Variants in CCDC127 observed in about 807,000 individuals in gnomAD.
The protein encoded by CCDC127 is coiled-coil domain containing 127.
Under a neutral mutation model 4.1 loss-of-function variants are expected in CCDC127, and 2 were observed. The observed-to-expected ratio is 0.49, with a 90% confidence interval of 0.20 to 1.53. The LOEUF is 1.53. Among genes scored for constraint, CCDC127 ranks in the 40% most tolerant of loss-of-function variants. CCDC127 has a pLI of 0.23. For synonymous variants in CCDC127, 98 were observed against 120.4 expected, an observed-to-expected ratio of 0.81 and a Z score of 1.22; for missense variants, 271 against 322.9, an observed-to-expected ratio of 0.84 and a Z score of 1.23.
Position 197,220 on chromosome 5 carries a change from TTGAACAAA to T in CCDC127, c.*8069_*8076del, listed in dbSNP as rs1733973621. On this transcript the variant is annotated 3_prime_UTR_variant, in exon 3 of 3. Transcript: ENST00000296824. ...AGGCGGCTTTTCTCCTGTCTCAGAG[TTGAACAAA>T]TGTACAATCGGGTTTTACACCGCGA... 6.6e-6 allele frequency: 1 copy of T among 152,124 alleles called. No homozygotes were observed. The highest frequency in any genetic ancestry group is 2.4e-5 in the African/African-American group (1 of 41,404). 9.4% of individuals were successfully genotyped at this position (152,124 alleles called of 1,614,324 possible). A position where few individuals can be genotyped will look rare whatever the true frequency, so the allele number is the denominator to read the frequency against.
At position 198,534 on chromosome 5, in the gene CCDC127, G is replaced by C. The variant is rs10075209; in HGVS notation, c.*6763C>G. On this transcript the variant is annotated 3_prime_UTR_variant, in exon 3 of 3. Transcript: ENST00000296824. ...CACACAGGAGCCCACTGGTGTCAGT[G>C]GGCGGTGCTGAGGGCACAAGCTCCC... The C allele has an allele frequency of 0.15, 22,365 of 152,330 alleles. 1,744 individuals carry two copies. The highest frequency in any genetic ancestry group is 0.18 in the Admixed American group (2,794 of 15,300). The allele number at this position is 152,330 out of a possible 1,614,324, so 9.4% of individuals were successfully genotyped here.
chr5:197,502 T>G lies in CCDC127; in HGVS notation c.*7795A>C, dbSNP rs569001013. On this transcript the variant is annotated 3_prime_UTR_variant, in exon 3 of 3. Coordinates refer to ENST00000296824, the MANE Select transcript of CCDC127 (RefSeq NM_145265.3). Reference sequence around the variant, plus strand: ...GCAGTGCATTGTGCCTCTGGTTTATTGAGACTAGAGAATAGCGATGACTTT... The same window carrying G: ...GCAGTGCATTGTGCCTCTGGTTTATGGAGACTAGAGAATAGCGATGACTTT... 1.3e-5 allele frequency: 2 copies of G among 152,272 alleles called. No homozygotes were observed. Among genetic ancestry groups the G allele is most frequent in the African/African-American group, 4.8e-5 (2 of 41,442 alleles). 9.4% of individuals were successfully genotyped at this position (152,272 alleles called of 1,614,324 possible).
At chr5:208,685 G>T (rs1734223731) in intron 2 of CCDC127, among the ~76,000 whole-genome samples, 1 of 152,242 alleles carries the variant, frequency 6.6e-6, no homozygotes, top group Non-Finnish European at 1.5e-5. Flanking sequence ...GCCCATGGGG[G>T]CCAGAGGCTG....
rs1010639368 is a variant in CCDC127 at position 197,436 on chromosome 5, C to T, written c.*7861G>A. On this transcript the variant is annotated 3_prime_UTR_variant, in exon 3 of 3. Coordinates refer to ENST00000296824, the MANE Select transcript of CCDC127 (RefSeq NM_145265.3). Reference sequence around the variant, plus strand: ...CTATCACATGGGGAGAAACCGTGGACAATACCCGGCTTTCAAGGGCAGAGG... The same window carrying T: ...CTATCACATGGGGAGAAACCGTGGATAATACCCGGCTTTCAAGGGCAGAGG... 9.2e-5 allele frequency: 14 copies of T among 152,368 alleles called. No individual in the cohort carries two copies. The highest frequency in any genetic ancestry group is 5.2e-4 in the Admixed American group (8 of 15,312). 9.4% of individuals were successfully genotyped at this position (152,368 alleles called of 1,614,324 possible). A position where few individuals can be genotyped will look rare whatever the true frequency, so the allele number is the denominator to read the frequency against.
intron 2 of CCDC127, among the ~76,000 whole-genome samples, chr5:209,804 C>T (rs887537899): frequency 9.9e-5 from 15 of 152,176 alleles, no homozygotes; most frequent in Non-Finnish European, 1.3e-4. Flanking sequence ...AGACAAAAGA[C>T]GGGTTCAATA....
rs1280158828 is a variant in CCDC127, at chr5:197,322, T to C, written c.*7975A>G. 1 of 152,176 alleles carries C rather than the reference T, an allele frequency of 6.6e-6. No homozygotes were observed. The highest frequency in any genetic ancestry group is 1.5e-5 in the Non-Finnish European group (1 of 68,052). 9.4% of individuals were successfully genotyped at this position (152,176 alleles called of 1,614,324 possible). On this transcript the variant is annotated 3_prime_UTR_variant, in exon 3 of 3. Transcript: ENST00000296824. ...TCTCAACTGCAAGAGGCTTTCGTCTTTTACTAACCCATGTCAGCACAGACC... is the reference window on the plus strand; with the variant it reads ...TCTCAACTGCAAGAGGCTTTCGTCTCTTACTAACCCATGTCAGCACAGACC...
chr5:216,204 T>C (rs59837890), intron 2 of CCDC127: 31,486 of 157,654 alleles, frequency 0.2, 5,365 homozygotes, highest in African/African-American at 0.48. Context: ...GTGTGCACCG[T>C]CACGACTTGC....
At chr5:207,265 C>A (rs1288841695) in intron 2 of CCDC127, among the ~76,000 whole-genome samples, 1 of 152,196 alleles carries the variant, frequency 6.6e-6, no homozygotes, top group Non-Finnish European at 1.5e-5. Flanking sequence ...CAAACTCATC[C>A]TTCCTCAACC....
chr5:215,260 C>A (rs1734358242), intron 2 of CCDC127: 1 of 148,216 alleles, frequency 6.7e-6, no homozygotes, highest in South Asian at 2.1e-4. Flanking sequence ...GACCACACTA[C>A]CTCAGCAAAA....
Position 201,549 on chromosome 5 carries a change from G to A in CCDC127, c.*3748C>T, listed in dbSNP as rs960767427. 1 of 152,104 alleles carries A rather than the reference G, an allele frequency of 6.6e-6. No individual in the cohort carries two copies. Among genetic ancestry groups the A allele is most frequent in the Non-Finnish European group, 1.5e-5 (1 of 68,024 alleles). The allele number at this position is 152,104 out of a possible 1,614,324, so 9.4% of individuals were successfully genotyped here. A position where few individuals can be genotyped will look rare whatever the true frequency, so the allele number is the denominator to read the frequency against. On this transcript the variant is annotated 3_prime_UTR_variant, in exon 3 of 3. Transcript: ENST00000296824. ...CCAGTTCACACATACACACACATAT[G>A]CACGCATATGAAATATATATGCAAA...
At chr5:207,503 G>A (rs9763161) in intron 2 of CCDC127, among the ~76,000 whole-genome samples, 14,151 of 152,216 alleles carry the variant, frequency 0.093, 944 homozygotes, top group Non-Finnish European at 0.12. Context: ...AATGAACAAA[G>A]TCTAGAAGGC....
rs1444728531 is a variant in CCDC127, at chr5:204,844, C to T, written c.*453G>A. ...AATATAATATTACTACTTCCTATTA[C>T]CTGTTATGCAGTTCTACACATTATC... is the stretch of plus-strand genomic sequence containing the variant. On this transcript the variant is annotated 3_prime_UTR_variant, in exon 3 of 3. Coordinates refer to ENST00000296824, the MANE Select transcript of CCDC127 (RefSeq NM_145265.3). 1 of 153,374 alleles carries T rather than the reference C, an allele frequency of 6.5e-6. No homozygotes were observed. Among genetic ancestry groups the T allele is most frequent in the East Asian group, 1.9e-4 (1 of 5,216 alleles). 9.5% of individuals were successfully genotyped at this position (153,374 alleles called of 1,614,324 possible).
rs1385835318 is a variant in CCDC127, at chr5:204,365, T to A, written c.*932A>T. 6.6e-6 allele frequency: 1 copy of A among 152,378 alleles called. No individual in the cohort carries two copies. The highest frequency in any genetic ancestry group is 2.1e-4 in the South Asian group (1 of 4,828). The allele number at this position is 152,378 out of a possible 1,614,324, so 9.4% of individuals were successfully genotyped here. On this transcript the variant is annotated 3_prime_UTR_variant, in exon 3 of 3. Transcript: ENST00000296824. ...CACTTCACAGGATTCGACTGAGGAT[T>A]CCATGAGTGAACAGGTATACAGGCT...
rs1166175338 is a variant in CCDC127, at chr5:202,100, G to C, written c.*3197C>G. The C allele has an allele frequency of 1.3e-5, 2 of 152,274 alleles. No homozygotes were observed. Among genetic ancestry groups the C allele is most frequent in the African/African-American group, 4.8e-5 (2 of 41,462 alleles). 9.4% of individuals were successfully genotyped at this position (152,274 alleles called of 1,614,324 possible). A position where few individuals can be genotyped will look rare whatever the true frequency, so the allele number is the denominator to read the frequency against. On this transcript the variant is annotated 3_prime_UTR_variant, in exon 3 of 3. Coordinates refer to ENST00000296824, the MANE Select transcript of CCDC127 (RefSeq NM_145265.3). Reference sequence around the variant, plus strand: ...TTTTCTGCAACTTTAAACCACTTTGGTTGAGGAGCGTTCCACTGTGGGCTC... The same window carrying C: ...TTTTCTGCAACTTTAAACCACTTTGCTTGAGGAGCGTTCCACTGTGGGCTC...
rs933859265 is a variant in CCDC127 at position 200,302 on chromosome 5, G to A, written c.*4995C>T. 2.6e-5 allele frequency: 4 copies of A among 152,298 alleles called. No homozygotes were observed. The highest frequency in any genetic ancestry group is 9.6e-5 in the African/African-American group (4 of 41,462). The allele number at this position is 152,298 out of a possible 1,614,324, so 9.4% of individuals were successfully genotyped here. A position where few individuals can be genotyped will look rare whatever the true frequency, so the allele number is the denominator to read the frequency against. Reference sequence around the variant, plus strand: ...GAAGCCCTTCGTTTTCTCTTTTCAAGATTTCCCATGAAGCTAGCAAAGGCC... The same window carrying A: ...GAAGCCCTTCGTTTTCTCTTTTCAAAATTTCCCATGAAGCTAGCAAAGGCC... On this transcript the variant is annotated 3_prime_UTR_variant, in exon 3 of 3. Transcript: ENST00000296824.
intron 2 of CCDC127, among the ~76,000 whole-genome samples, chr5:210,032 AG>A (rs1734248346): frequency 6.6e-6 from 1 of 152,246 alleles, no homozygotes; most frequent in African/African-American, 2.4e-5. Context: ...CTCTCAGGTC[AG>A]GGACCGTCCA....
In CCDC127 at chr5:201,966, G is replaced by C. The variant is rs921409329; in HGVS notation, c.*3331C>G. On this transcript the variant is annotated 3_prime_UTR_variant, in exon 3 of 3. Transcript: ENST00000296824. ...CCAAAGGGTCCTCTCTGCCTTGCTG[G>C]CTCACGGTTTTATAGTTACTGTGAC... The C allele has an allele frequency of 1.3e-5, 2 of 152,186 alleles. No individual in the cohort carries two copies. The highest frequency in any genetic ancestry group is 4.8e-5 in the African/African-American group (2 of 41,434). 9.4% of individuals were successfully genotyped at this position (152,186 alleles called of 1,614,324 possible).
chr5:216,045 G>C (rs1377826171), intron 2 of CCDC127: 2 of 143,342 alleles, frequency 1.4e-5, no homozygotes, highest in African/African-American at 2.8e-5. Flanking sequence ...AACATCACTG[G>C]TTTTCCAAAA....
intron 2 of CCDC127, among the ~76,000 whole-genome samples, chr5:207,737 A>G (rs982691950): frequency 6.6e-6 from 1 of 151,888 alleles, no homozygotes; most frequent in Non-Finnish European, 1.5e-5. Context: ...AGCCACGAGG[A>G]GTCAAAGGAA....
Sources: allele counts gnomAD v4.1 joint callset (sites outside exome capture counted in the v4.1 genomes callset), GRCh38; gene constraint gnomAD v4.1.1; transcripts MANE v1.5; gene names NCBI Gene and HGNC (gene_info 2026-07-23, HGNC 2026-07-21).